The following ALPK2 variants were observed in gnomAD, a reference collection of about 807,000 sequenced individuals.
ALPK2 encodes alpha kinase 2, also known as alpha-protein kinase 2.
Under a neutral mutation model 163.1 loss-of-function variants are expected in ALPK2, and 127 were observed. That is an observed-to-expected ratio of 0.78 (90% CI 0.67 to 0.90). The LOEUF (loss-of-function observed/expected upper bound fraction) is 0.90, where lower values mean the gene tolerates loss of function less well. ALPK2 is among the 40% of genes least tolerant of loss of function. ALPK2 has a pLI of 0.00. For synonymous variants in ALPK2, 953 were observed against 959.1 expected (o/e 0.99, Z 0.12); for missense variants, 2,360 against 2,589.6 (o/e 0.91, Z 1.92).
intron 3 of ALPK2, among the ~76,000 whole-genome samples, chr18:58,604,190 T>C (rs1056487795): frequency 6.6e-6 from 1 of 152,198 alleles, no homozygotes; most frequent in Non-Finnish European, 1.5e-5. Flanking sequence ...ATCTAAAAAC[T>C]CAGATTTAAT....
intron 4 of ALPK2, among the ~76,000 whole-genome samples, chr18:58,569,988 G>A (rs967018780): frequency 6.6e-5 from 10 of 152,130 alleles, no homozygotes; most frequent in African/African-American, 2.4e-4. Context: ...AAATTAGCCG[G>A]GTGTGGTGGC....
intron 9 of ALPK2, 34 bp from the exon 10 acceptor site, chr18:58,515,115 A>G: frequency 6.5e-7 from 1 of 1,531,564 alleles, no homozygotes; most frequent in Non-Finnish European, 9.0e-7. Flanking sequence ...AGCCCCAGTG[A>G]CTACAGGAAA....
intron 1 of ALPK2, among the ~76,000 whole-genome samples, chr18:58,612,624 G>GC (rs1422543280): frequency 6.6e-6 from 1 of 152,218 alleles, no homozygotes; most frequent in Non-Finnish European, 1.5e-5. Flanking sequence ...GGCTGTGCAG[G>GC]CTGACACTTT....
In ALPK2 at chr18:58,573,435, G is replaced by T. The variant is rs139160389; in HGVS notation, c.1962+5379C>A. On this transcript the variant is annotated intron_variant, in intron 4 of 12. Coordinates refer to ENST00000361673, the MANE Select transcript of ALPK2 (RefSeq NM_052947.4). ...ATGTTTTTTTTTTTTCAGAGACAGG[G>T]TCTTGCTATGTTGCCCAGGCTGGTC... is the stretch of plus-strand genomic sequence containing the variant. Among the ~76,000 whole-genome samples, 821 of 144,920 alleles carry T rather than the reference G, an allele frequency of 5.7e-3. 8 individuals are homozygous for T. The highest frequency in any genetic ancestry group is 0.019 in the African/African-American group (756 of 39,382).
chr18:58,571,044 T>G (rs995704714), intron 4 of ALPK2, among the ~76,000 whole-genome samples: 2 of 152,172 alleles, frequency 1.3e-5, no homozygotes, highest in Non-Finnish European at 2.9e-5. Context: ...TTTCTTTTTT[T>G]GAGACAGAGT....
chr18:58,570,421 A>G (rs2144187134), intron 4 of ALPK2, among the ~76,000 whole-genome samples: 1 of 152,286 alleles, frequency 6.6e-6, no homozygotes, highest in African/African-American at 2.4e-5. Context: ...GCTGCTGCAT[A>G]CTCTGCCTGT....
At chr18:58,587,456 A>G (rs1033827951) in intron 3 of ALPK2, among the ~76,000 whole-genome samples, 4 of 152,268 alleles carry the variant, frequency 2.6e-5, no homozygotes, top group Non-Finnish European at 5.9e-5. Context: ...CACAAACTTT[A>G]TCTATTTTAA....
intron 6 of ALPK2, among the ~76,000 whole-genome samples, chr18:58,526,329 C>T (rs1276560385): frequency 6.6e-6 from 1 of 152,156 alleles, no homozygotes; most frequent in Non-Finnish European, 1.5e-5. Flanking sequence ...ATCACCAGCC[C>T]TAAGGAGCCA....
At chr18:58,592,166 T>C (rs1912523164) in intron 3 of ALPK2, among the ~76,000 whole-genome samples, 1 of 152,256 alleles carries the variant, frequency 6.6e-6, no homozygotes, top group South Asian at 2.1e-4. Flanking sequence ...CTCCCATGTG[T>C]CCTGCTGGAC....
At chr18:58,606,554 C>T (rs1389814771) in intron 3 of ALPK2, among the ~76,000 whole-genome samples, 2 of 152,174 alleles carry the variant, frequency 1.3e-5, no homozygotes, top group African/African-American at 2.4e-5. Context: ...CAAGGTCATA[C>T]AGCAAGAAAA....
chr18:58,517,251 G>T (rs1180239329), intron 8 of ALPK2, 69 bp from the exon 9 acceptor site: 5 of 1,525,352 alleles, frequency 3.3e-6, no homozygotes, highest in Non-Finnish European at 4.4e-6. Context: ...ACTCCACATG[G>T]GGAGGGTCCC....
chr18:58,545,719 C>G (rs1344001021), intron 4 of ALPK2, among the ~76,000 whole-genome samples: 1 of 151,860 alleles, frequency 6.6e-6, no homozygotes, highest in Non-Finnish European at 1.5e-5. Flanking sequence ...TTTCAAAGTT[C>G]TTTTAGTGTT....
chr18:58,582,819 C>T (rs772930355), intron 3 of ALPK2, among the ~76,000 whole-genome samples: 2 of 151,940 alleles, frequency 1.3e-5, no homozygotes, highest in Non-Finnish European at 2.9e-5. Flanking sequence ...GATTATAGGT[C>T]ATAGGTAGAT....
chr18:58,579,195 G>T lies in ALPK2; in HGVS notation c.1581C>A (p.Ser527Arg). Reference protein sequence around the residue: ...DKRVGGKDLWSKRGSRKSARV... With the variant: ...DKRVGGKDLWRKRGSRKSARV... ...TGGCAGATTTCCTTGAACCCCTCTTGCTCCATAAGTCCTTTCCCCCCACTC... is the reference window on the plus strand; with the variant it reads ...TGGCAGATTTCCTTGAACCCCTCTTTCTCCATAAGTCCTTTCCCCCCACTC... Residue 527 changes from serine (S) to arginine (R), a missense_variant, in exon 4 of 13, where the codon AGC becomes AGA. Ser to Arg is a moderately radical substitution (Grantham distance 110, BLOSUM62 -1). Coordinates refer to ENST00000361673, the MANE Select transcript of ALPK2 (RefSeq NM_052947.4). The T allele has an allele frequency of 6.2e-7, 1 of 1,614,044 alleles. No individual in the cohort carries two copies. The highest frequency in any genetic ancestry group is 2.2e-5 in the East Asian group (1 of 44,872).
At chr18:58,543,453 G>A (rs1486493197) in intron 4 of ALPK2, 2 of 943,246 alleles carry the variant, frequency 2.1e-6, no homozygotes, top group Non-Finnish European at 2.5e-6. Flanking sequence ...TAAGAGCTGG[G>A]GGCCATGCGG....
intron 8 of ALPK2, among the ~76,000 whole-genome samples, chr18:58,522,338 AACCCTCAGCAT>A (rs2051559352): frequency 6.6e-6 from 1 of 152,176 alleles, no homozygotes. Context: ...GAACTTCCCC[AACCCTCAGCAT>A]GTTGTTAAAT....
At chr18:58,627,641 CAAACA>C (rs927310908) in intron 1 of ALPK2, among the ~76,000 whole-genome samples, 6 of 152,050 alleles carry the variant, frequency 3.9e-5, no homozygotes, top group South Asian at 2.1e-4. Flanking sequence ...AAAAAACAAA[CAAACA>C]AAACAAAACA....
At chr18:58,603,412 T>C (rs769345598) in intron 3 of ALPK2, among the ~76,000 whole-genome samples, 6 of 152,320 alleles carry the variant, frequency 3.9e-5, no homozygotes, top group Non-Finnish European at 8.8e-5. Context: ...TGCCCGGTGC[T>C]CTATGGACCT....
intron 3 of ALPK2, among the ~76,000 whole-genome samples, chr18:58,599,824 C>A (rs1048779631): frequency 2.0e-5 from 3 of 152,114 alleles, no homozygotes; most frequent in Non-Finnish European, 4.4e-5. Context: ...CCCATTTTTA[C>A]AGATGAGAAA....
Sources: gnomAD v4.1 joint callset for allele counts (sites outside exome capture counted in the v4.1 genomes callset) on GRCh38, gnomAD v4.1.1 for gene constraint, MANE v1.5 for transcripts, NCBI Gene and HGNC (gene_info 2026-07-23, HGNC 2026-07-21) for gene names.